The following CDCA7L variants were observed in gnomAD, a reference collection of about 807,000 sequenced individuals.
CDCA7L encodes the protein cell division cycle-associated 7-like protein.
In CDCA7L, 44 loss-of-function variants were observed where a neutral mutation model predicts 57.4. The observed-to-expected ratio is 0.77, with a 90% CI of 0.60 to 0.98. The LOEUF is 0.98. Ranked by LOEUF, CDCA7L falls within the 50% of genes least tolerant of loss-of-function variation. CDCA7L has a pLI of 0.00. For missense variants in CDCA7L, 644 were observed against 580.6 expected, an observed-to-expected ratio of 1.11 and a Z score of -1.12; for synonymous variants, 236 against 202.8, an observed-to-expected ratio of 1.16 and a Z score of -1.39.
intron 1 of CDCA7L, among the ~76,000 whole-genome samples, chr7:21,937,668 G>A (rs533712423): frequency 1.5e-3 from 230 of 151,652 alleles, no homozygotes; most frequent in African/African-American, 5.4e-3. Context: ...AAAGAACAGT[G>A]TTAGAGGACT....
intron 1 of CDCA7L, among the ~76,000 whole-genome samples, chr7:21,942,958 A>G (rs1786387891): frequency 6.6e-6 from 1 of 152,190 alleles, no homozygotes; most frequent in Non-Finnish European, 1.5e-5. Flanking sequence ...GCTCCTGCCT[A>G]TTTACAAGAA....
intron 2 of CDCA7L, among the ~76,000 whole-genome samples, chr7:21,914,497 T>G (rs1192025110): frequency 6.6e-6 from 1 of 152,116 alleles, no homozygotes; most frequent in Non-Finnish European, 1.5e-5. Context: ...GTAGCATAAC[T>G]GGATGTGAGC....
intron 8 of CDCA7L, 138 bp downstream of exon 8, chr7:21,903,963 TTTTCCCTGG>T (rs1433078505): frequency 1.2e-5 from 8 of 672,372 alleles, no homozygotes; most frequent in African/African-American, 1.8e-5. Flanking sequence ...CTATTTTTCA[TTTTCCCTGG>T]AGCCTTAAGA....
chr7:21,909,663 G>C (rs752930517), intron 3 of CDCA7L, among the ~76,000 whole-genome samples: 5 of 152,144 alleles, frequency 3.3e-5, no homozygotes, highest in Non-Finnish European at 5.9e-5. Flanking sequence ...TCAAAATGGT[G>C]TACTGCAAAG....
At chr7:21,904,286 G>A (rs759070774) in intron 7 of CDCA7L, 27 bp from the exon 8 acceptor site, 79 of 1,569,496 alleles carry the variant, frequency 5.0e-5, no homozygotes, top group Admixed American at 1.3e-4. Flanking sequence ...GTGAGCAGGT[G>A]AACACAGGGA....
chr7:21,924,681 G>C (rs527407694), intron 1 of CDCA7L, among the ~76,000 whole-genome samples: 10 of 152,186 alleles, frequency 6.6e-5, no homozygotes, highest in Non-Finnish European at 1.5e-4. Context: ...CCTTAAGTTA[G>C]GCAAAGAATT....
intron 2 of CDCA7L, among the ~76,000 whole-genome samples, chr7:21,914,630 A>C (rs1347445907): frequency 1.3e-5 from 2 of 152,194 alleles, no homozygotes; most frequent in Non-Finnish European, 2.9e-5. Flanking sequence ...CCTGCAGCAT[A>C]GCAGGTAGGA....
chr7:21,905,768 T>C, intron 6 of CDCA7L, 137 bp from the exon 7 acceptor site: 1 of 1,007,172 alleles, frequency 9.9e-7, no homozygotes, highest in Non-Finnish European at 1.4e-6. Flanking sequence ...GCCATTTCAT[T>C]TAGTTATTTA....
intron 9 of CDCA7L, 48 bp from the exon 10 acceptor site, chr7:21,902,400 A>C (rs1398655648): frequency 1.3e-6 from 2 of 1,553,674 alleles, no homozygotes; most frequent in Non-Finnish European, 1.8e-6. Flanking sequence ...AAATACACAA[A>C]TGGCATTCTA....
chr7:21,931,054 C>A (rs62445930), intron 1 of CDCA7L, among the ~76,000 whole-genome samples: 1,978 of 152,294 alleles, frequency 0.013, 25 homozygotes, highest in Non-Finnish European at 0.02. Flanking sequence ...TTTCTGGACA[C>A]ATACACCCTC....
chr7:21,917,912 T>C (rs945997978), intron 1 of CDCA7L, among the ~76,000 whole-genome samples: 1 of 77,508 alleles, frequency 1.3e-5, no homozygotes, highest in Admixed American at 1.7e-4. Context: ...AATAGTACGA[T>C]TTACTGTAAC....
chr7:21,905,536 A>C lies in CDCA7L; in HGVS notation c.1017T>G (p.Thr339=), dbSNP rs1785111935. The C allele has an allele frequency of 6.2e-7, 1 of 1,613,856 alleles. No homozygotes were observed. The highest frequency in any genetic ancestry group is 1.7e-5 in the Admixed American group (1 of 60,010). The change falls in exon 7 of 10, where the codon ACT becomes ACG. Residue 339 remains threonine (T), a synonymous_variant. Transcript: ENST00000406877. Reference sequence around the variant, plus strand: ...CTTTATCATAGATTTTATCTCGAACAGTTATGGCAACATTTTCTAAGTCCT... The same window carrying C: ...CTTTATCATAGATTTTATCTCGAACCGTTATGGCAACATTTTCTAAGTCCT... The part of the protein sequence containing the change: ...TEEDLENVAI[T]VRDKIYDKVL...
At chr7:21,924,798 G>A (rs1785772880) in intron 1 of CDCA7L, among the ~76,000 whole-genome samples, 1 of 152,130 alleles carries the variant, frequency 6.6e-6, no homozygotes, top group South Asian at 2.1e-4. Context: ...TTAAGAGAAT[G>A]AAAAGGAAAG....
At chr7:21,910,031 C>T (rs1464823336) in intron 3 of CDCA7L, among the ~76,000 whole-genome samples, 6 of 152,172 alleles carry the variant, frequency 3.9e-5, no homozygotes, top group Non-Finnish European at 7.3e-5. Context: ...ATAAAATTTG[C>T]AAGGGCCTGT....
intron 1 of CDCA7L, 133 bp from the exon 2 acceptor site, chr7:21,917,027 C>G (rs1473814889): frequency 2.2e-6 from 2 of 922,710 alleles, no homozygotes; most frequent in Non-Finnish European, 3.4e-6. Context: ...CCCAGTAACC[C>G]TCAGCAAAAC....
intron 1 of CDCA7L, among the ~76,000 whole-genome samples, chr7:21,927,255 C>T (rs886152864): frequency 6.6e-6 from 1 of 151,968 alleles, no homozygotes; most frequent in Admixed American, 6.6e-5. Flanking sequence ...GCTGAAAGAA[C>T]AAAAAGCACA....
At chr7:21,907,103 A>G (rs1785166233) in intron 4 of CDCA7L, among the ~76,000 whole-genome samples, 1 of 152,132 alleles carries the variant, frequency 6.6e-6, no homozygotes, top group African/African-American at 2.4e-5. Flanking sequence ...TTTCTCATCA[A>G]TCAAAGTAAT....
chr7:21,943,301 G>A (rs144575520), intron 1 of CDCA7L, among the ~76,000 whole-genome samples: 11 of 152,386 alleles, frequency 7.2e-5, no homozygotes, highest in South Asian at 2.1e-4. Context: ...GTAGTTCAGA[G>A]TAAATGAGTC....
Position 21,940,590 on chromosome 7 carries a change from C to A in CDCA7L, c.24+5191G>T, listed in dbSNP as rs185283791. Among the ~76,000 whole-genome samples the A allele has an allele frequency of 2.5e-3, 380 of 152,250 alleles. 1 individual carries two copies. The highest frequency in any genetic ancestry group is 3.9e-3 in the Non-Finnish European group (268 of 68,002). The stretch of plus-strand genomic sequence containing the variant: ...GTCAGCCCAGGTACTCCAGAAGTTC[C>A]CAGGGCGAGCACCTGAGCCAGCGGT... On this transcript the variant is annotated intron_variant, in intron 1 of 9. Transcript: ENST00000406877.
Sources: gnomAD v4.1 joint callset for allele counts (sites outside exome capture counted in the v4.1 genomes callset) on GRCh38, gnomAD v4.1.1 for gene constraint, MANE v1.5 for transcripts, NCBI Gene and HGNC (gene_info 2026-07-23, HGNC 2026-07-21) for gene names.